The following LARS2 variants were observed in gnomAD, a reference collection of about 807,000 sequenced individuals.
LARS2 encodes the protein leucine--tRNA ligase, mitochondrial.
Under a neutral mutation model 116.6 loss-of-function variants are expected in LARS2, and 81 were observed. The ratio of observed to expected loss-of-function variants is 0.69; its 90% CI spans 0.58 to 0.84. LARS2 has a LOEUF of 0.84. Ranked by LOEUF, LARS2 falls within the 40% of genes least tolerant of loss-of-function variation. LARS2 has a pLI of 0.00. For synonymous variants in LARS2, 396 were observed against 407.2 expected, an observed-to-expected ratio of 0.97 and a Z score of 0.33; for missense variants, 968 against 1,114.5, an observed-to-expected ratio of 0.87 and a Z score of 1.87.
chr3:45,488,654 G>A (rs751820599), intron 11 of LARS2, 43 bp from the exon 12 acceptor site: 1 of 1,193,226 alleles, frequency 8.4e-7, no homozygotes, highest in Non-Finnish European at 1.3e-6. Flanking sequence ...TGTGATTTGG[G>A]CACTTGTGAA....
rs953661687 is a variant in LARS2 at position 45,547,440 on chromosome 3, G to T, written c.2622G>T (p.Glu874Asp). The T allele has an allele frequency of 6.2e-7, 1 of 1,613,996 alleles. No individual in the cohort carries two copies. Among genetic ancestry groups the T allele is most frequent in the Non-Finnish European group, 8.5e-7 (1 of 1,179,950 alleles). ...TCCACGAATTTGTTCTTCAAAGCGA[G>T]CTGGGTGTCAGGCTTTTGCAAGGAC... ...DKVHEFVLQS[E>D]LGVRLLQGRS... The change falls in exon 22 of 22, where the codon GAG (glutamate) becomes GAT (aspartate). Residue 874 changes from glutamate (E) to aspartate (D), a missense_variant. Glu to Asp is a conservative substitution (Grantham distance 45). Coordinates refer to ENST00000645846, the MANE Select transcript of LARS2 (RefSeq NM_015340.4).
At chr3:45,498,741 C>T (rs886262891) in intron 14 of LARS2, among the ~76,000 whole-genome samples, 1 of 152,192 alleles carries the variant, frequency 6.6e-6, no homozygotes, top group Non-Finnish European at 1.5e-5. Context: ...AGAGGTCTGT[C>T]GCCAGCCAGT....
At chr3:45,410,208 C>T (rs1192699346) in intron 4 of LARS2, among the ~76,000 whole-genome samples, 1 of 152,136 alleles carries the variant, frequency 6.6e-6, no homozygotes, top group East Asian at 1.9e-4. Flanking sequence ...GTAACACAGC[C>T]CAAGGAGAAT....
Position 45,485,759 on chromosome 3 carries a change from C to T in LARS2, c.1086C>T (p.Ala362=). The T allele has an allele frequency of 6.2e-7, 1 of 1,611,464 alleles. No individual in the cohort carries two copies. Among genetic ancestry groups the T allele is most frequent in the Non-Finnish European group, 8.5e-7 (1 of 1,178,536 alleles). ...AGGAGGTCCCTGTCGTTATTTTGGC[C>T]AAAGCTGACTTGGAAGGCTCTCTGG... is the stretch of plus-strand genomic sequence containing the variant. ...TQQEVPVVIL[A]KADLEGSLDS... is the part of the protein sequence containing the mutation. Residue 362 remains alanine, a synonymous_variant, in exon 11 of 22, where the codon GCC becomes GCT. Transcript: ENST00000645846.
intron 19 of LARS2, 23 bp from the exon 20 acceptor site, chr3:45,523,974 T>TA: frequency 6.4e-7 from 1 of 1,571,150 alleles, no homozygotes; most frequent in South Asian, 1.1e-5. Context: ...TCAGTCTTCT[T>TA]ACTTTTTTTT....
chr3:45,429,731 T>G (rs992590768), intron 6 of LARS2, among the ~76,000 whole-genome samples: 5 of 147,040 alleles, frequency 3.4e-5, no homozygotes, highest in Non-Finnish European at 7.5e-5. Flanking sequence ...AGATAGGGTT[T>G]TGCTCTGTCG....
chr3:45,530,095 G>A (rs188508066), intron 20 of LARS2, among the ~76,000 whole-genome samples: 57 of 152,262 alleles, frequency 3.7e-4, no homozygotes, highest in African/African-American at 1.3e-3. Flanking sequence ...GGCTTAGGTC[G>A]GTTTCTCAGG....
chr3:45,420,671 A>G (rs936520976), intron 6 of LARS2, among the ~76,000 whole-genome samples: 2 of 152,154 alleles, frequency 1.3e-5, no homozygotes, highest in Non-Finnish European at 2.9e-5. Flanking sequence ...TGAGGTGCCA[A>G]TAGGGAATCG....
At chr3:45,541,223 G>A (rs1247650448) in intron 20 of LARS2, among the ~76,000 whole-genome samples, 1 of 152,168 alleles carries the variant, frequency 6.6e-6, no homozygotes, top group Non-Finnish European at 1.5e-5. Context: ...CGGGGCTTGA[G>A]AGGGTTTCAT....
At chr3:45,444,236 A>G (rs546619449) in intron 6 of LARS2, among the ~76,000 whole-genome samples, 2 of 147,592 alleles carry the variant, frequency 1.4e-5, no homozygotes, top group South Asian at 4.4e-4. Flanking sequence ...GATGGTCTCA[A>G]TCTCCTGACC....
chr3:45,476,648 C>T (rs1283045899), intron 10 of LARS2, 21 bp downstream of exon 10: 2 of 1,613,222 alleles, frequency 1.2e-6, no homozygotes, highest in East Asian at 4.5e-5. Flanking sequence ...AAGTTAACGG[C>T]TCAGGTGGTA....
chr3:45,394,755 C>CT, intron 3 of LARS2, 68 bp downstream of exon 3: 1 of 1,027,878 alleles, frequency 9.7e-7, no homozygotes, highest in South Asian at 1.4e-5. Flanking sequence ...TGGGGTTAGA[C>CT]TACCTGGTTC....
At chr3:45,395,928 A>G (rs1698036202) in intron 3 of LARS2, among the ~76,000 whole-genome samples, 1 of 152,260 alleles carries the variant, frequency 6.6e-6, no homozygotes, top group Non-Finnish European at 1.5e-5. Flanking sequence ...CTTGTTAGGA[A>G]GTGAAAAGCC....
intron 6 of LARS2, among the ~76,000 whole-genome samples, chr3:45,423,089 A>G (rs1319492940): frequency 6.6e-6 from 1 of 152,184 alleles, no homozygotes; most frequent in African/African-American, 2.4e-5. Context: ...GAAAAGTATC[A>G]ATTCCATTGT....
chr3:45,467,895 T>C (rs1699453777), intron 8 of LARS2, among the ~76,000 whole-genome samples: 1 of 152,110 alleles, frequency 6.6e-6, no homozygotes, highest in Non-Finnish European at 1.5e-5. Flanking sequence ...AAGACCAGCC[T>C]GGGCAACTGG....
chr3:45,425,988 T>A (rs1293352323), intron 6 of LARS2, among the ~76,000 whole-genome samples: 1 of 151,864 alleles, frequency 6.6e-6, no homozygotes, highest in Non-Finnish European at 1.5e-5. Context: ...CCCACTGTCA[T>A]GTTGTTACAG....
Position 45,524,047 on chromosome 3 carries a change from G to A in LARS2, c.2343G>A (p.Leu781=). 6.2e-7 allele frequency: 1 copy of A among 1,613,970 alleles called. No homozygotes were observed. The highest frequency in any genetic ancestry group is 8.5e-7 in the Non-Finnish European group (1 of 1,179,978). ...ILHSPEFEDA[L]CALMVMAAPL... ...ACAGCCCCGAGTTTGAGGATGCTTT[G>A]TGTGCCCTGATGGTAATGGCTGCTC... The change falls in exon 20 of 22, where the codon TTG becomes TTA. Residue 781 remains leucine, a synonymous_variant. Coordinates refer to ENST00000645846, the MANE Select transcript of LARS2 (RefSeq NM_015340.4).
intron 3 of LARS2, among the ~76,000 whole-genome samples, chr3:45,398,705 TG>T (rs772858869): frequency 1.6e-4 from 24 of 152,312 alleles, no homozygotes; most frequent in Admixed American, 1.4e-3. Context: ...TGAAGTTTGC[TG>T]GGTAAAAAGT....
At chr3:45,535,745 TACAC>T (rs950202930) in intron 20 of LARS2, among the ~76,000 whole-genome samples, 95 of 47,212 alleles carry the variant, frequency 2.0e-3, no homozygotes, top group African/African-American at 3.5e-3. Flanking sequence ...TATGCTAAGT[TACAC>T]ACACACACAC....
Sources: allele counts gnomAD v4.1 joint callset (sites outside exome capture counted in the v4.1 genomes callset), GRCh38; gene constraint gnomAD v4.1.1; transcripts MANE v1.5; gene names NCBI Gene and HGNC (gene_info 2026-07-23, HGNC 2026-07-21).